PRMT3: variants seen among roughly 807,000 people sequenced by gnomAD.
PRMT3 encodes the protein protein arginine methyltransferase 3, also known as protein arginine N-methyltransferase 3.
In PRMT3, 62 loss-of-function variants were observed where a neutral mutation model predicts 71.9. The observed-to-expected ratio is 0.86, with a 90% confidence interval of 0.70 to 1.07. The LOEUF (loss-of-function observed/expected upper bound fraction) is 1.07. PRMT3 is among the 50% of genes least tolerant of loss of function. The pLI is 0.00. For synonymous variants in PRMT3, 213 were observed against 220.4 expected (o/e 0.97, Z 0.30); for missense variants, 663 against 643.0 (o/e 1.03, Z -0.34).
Position 20,471,924 on chromosome 11 carries a change from G to T in PRMT3, c.1347+7378G>T, listed in dbSNP as rs114505445. Among the ~76,000 whole-genome samples, 93 of 152,062 alleles carry T rather than the reference G, an allele frequency of 6.1e-4. 1 individual carries two copies. Among genetic ancestry groups the T allele is most frequent in the Non-Finnish European group, 1.2e-4 (8 of 67,974 alleles). On this transcript the variant is annotated intron_variant, in intron 13 of 15. Coordinates refer to ENST00000331079, the MANE Select transcript of PRMT3 (RefSeq NM_005788.4). ...CTTGAAGAGGTCCTTCACTTCCCTC[G>T]TTAGCAGTATTCCTAGGTATTTTTT...
chr11:20,401,103 G>A (rs922402500), intron 7 of PRMT3, among the ~76,000 whole-genome samples: 1 of 152,008 alleles, frequency 6.6e-6, no homozygotes, highest in African/African-American at 2.4e-5. Context: ...TATATTGTAA[G>A]AGCCAGAATG....
intron 12 of PRMT3, 101 bp from the exon 13 acceptor site, chr11:20,464,359 A>C (rs911652905): frequency 3.1e-5 from 44 of 1,420,750 alleles, no homozygotes; most frequent in Non-Finnish European, 4.0e-5. Flanking sequence ...TTTGTGCATA[A>C]AAGAAGTAAT....
intron 10 of PRMT3, among the ~76,000 whole-genome samples, chr11:20,451,034 A>G (rs1216757791): frequency 6.6e-6 from 1 of 152,198 alleles, no homozygotes; most frequent in Non-Finnish European, 1.5e-5. Flanking sequence ...GTTGGACCCT[A>G]GAAGGAGAAA....
chr11:20,438,178 A>G (rs112838575), intron 10 of PRMT3, among the ~76,000 whole-genome samples: 4,007 of 152,140 alleles, frequency 0.026, 77 homozygotes, highest in Non-Finnish European at 0.039. Context: ...ACCCTCCAGC[A>G]GCTCGGAACC....
chr11:20,395,136 A>T (rs922594646), intron 5 of PRMT3, among the ~76,000 whole-genome samples: 1 of 152,190 alleles, frequency 6.6e-6, no homozygotes, highest in Admixed American at 6.5e-5. Flanking sequence ...ATAAAACAAG[A>T]TGTAATGATG....
intron 9 of PRMT3, among the ~76,000 whole-genome samples, chr11:20,423,193 C>G (rs55788607): frequency 0.074 from 11,317 of 152,204 alleles, 574 homozygotes; most frequent in Middle Eastern, 0.16. Flanking sequence ...TCCTTTTTCC[C>G]AGACCATCTA....
chr11:20,399,703 GTGAGTACAATCA>G, intron 7 of PRMT3, among the ~76,000 whole-genome samples: 1 of 152,268 alleles, frequency 6.6e-6, no homozygotes, highest in African/African-American at 2.4e-5. Flanking sequence ...GTTGAGTGTT[GTGAGTACAATCA>G]TCAGGGAAAT....
In PRMT3 at chr11:20,482,786, G is replaced by C. The variant is rs545782775; in HGVS notation, c.1348-11133G>C. Among the ~76,000 whole-genome samples, 14 of 151,298 alleles carry C rather than the reference G, an allele frequency of 9.3e-5. No individual in the cohort carries two copies. The South Asian group carries it at 2.5e-3, about 27-fold the overall frequency. ...TTACAGACATTTTATGTATATGTATGTATTAACAGGAGGAAATCACTCCTC... is the reference window on the plus strand; with the variant it reads ...TTACAGACATTTTATGTATATGTATCTATTAACAGGAGGAAATCACTCCTC... On this transcript the variant is annotated intron_variant, in intron 13 of 15. Coordinates refer to ENST00000331079, the MANE Select transcript of PRMT3 (RefSeq NM_005788.4).
intron 5 of PRMT3, among the ~76,000 whole-genome samples, chr11:20,394,031 A>T (rs757675202): frequency 6.6e-6 from 1 of 152,194 alleles, no homozygotes; most frequent in Non-Finnish European, 1.5e-5. Context: ...TGCTTTTATA[A>T]CAAGAATTCA....
At chr11:20,411,751 T>G (rs1195868898) in intron 9 of PRMT3, among the ~76,000 whole-genome samples, 4 of 152,148 alleles carry the variant, frequency 2.6e-5, no homozygotes, top group Non-Finnish European at 5.9e-5. Context: ...ACATATTTAC[T>G]ATAAATAGGC....
intron 15 of PRMT3, among the ~76,000 whole-genome samples, chr11:20,507,849 G>A (rs951104604): frequency 6.6e-5 from 10 of 151,224 alleles, no homozygotes; most frequent in Admixed American, 6.6e-4. Context: ...GCTCATTCCT[G>A]TATTCCCAGC....
intron 11 of PRMT3, among the ~76,000 whole-genome samples, chr11:20,460,142 T>G (rs1007042494): frequency 6.6e-6 from 1 of 152,180 alleles, no homozygotes; most frequent in South Asian, 2.1e-4. Context: ...GCTGCTGTCA[T>G]TGAATAATAA....
intron 6 of PRMT3, 126 bp from the exon 7 acceptor site, chr11:20,397,451 T>C (rs1439600744): frequency 2.2e-6 from 2 of 910,182 alleles, no homozygotes; most frequent in East Asian, 2.4e-5. Flanking sequence ...TTGTTCAAGA[T>C]AGAATGTGAT....
At chr11:20,495,901 A>T (rs183349950) in intron 15 of PRMT3, among the ~76,000 whole-genome samples, 1 of 152,206 alleles carries the variant, frequency 6.6e-6, no homozygotes, top group Admixed American at 6.5e-5. Context: ...TTGTCCATCA[A>T]TTGGGGGAAG....
intron 9 of PRMT3, among the ~76,000 whole-genome samples, chr11:20,408,330 C>T (rs1407308138): frequency 6.6e-6 from 1 of 151,786 alleles, no homozygotes; most frequent in East Asian, 1.9e-4. Context: ...ACTATTGATA[C>T]TTAGAGTAAT....
chr11:20,484,614 C>G (rs1851026920), intron 13 of PRMT3, among the ~76,000 whole-genome samples: 1 of 152,126 alleles, frequency 6.6e-6, no homozygotes, highest in Non-Finnish European at 1.5e-5. Flanking sequence ...ATGACTTGCT[C>G]CTCTTTGCCT....
chr11:20,505,126 A>T (rs7125493), intron 15 of PRMT3, among the ~76,000 whole-genome samples: 1 of 152,224 alleles, frequency 6.6e-6, no homozygotes, highest in East Asian at 1.9e-4. Flanking sequence ...ATCCTAAATC[A>T]TAAGACCTTG....
chr11:20,471,525 T>C (rs1850644978), intron 13 of PRMT3, among the ~76,000 whole-genome samples: 1 of 152,106 alleles, frequency 6.6e-6, no homozygotes, highest in Non-Finnish European at 1.5e-5. Context: ...TGATTGAAGG[T>C]GTGAAGTCTT....
chr11:20,416,510 A>G (rs887185804), intron 9 of PRMT3, among the ~76,000 whole-genome samples: 3 of 152,124 alleles, frequency 2.0e-5, no homozygotes, highest in African/African-American at 7.2e-5. Context: ...CATCCTAGGC[A>G]TTCAGTGTAA....
Sources: allele counts gnomAD v4.1 joint callset (sites outside exome capture counted in the v4.1 genomes callset), GRCh38; gene constraint gnomAD v4.1.1; transcripts MANE v1.5; gene names NCBI Gene and HGNC (gene_info 2026-07-23, HGNC 2026-07-21).